Variants in ANO3 observed in about 807,000 individuals in gnomAD.
ANO3 encodes the protein anoctamin-3.
ANO3 carries 99 observed loss-of-function variants against 144.8 expected under a neutral mutation model. That is an observed-to-expected ratio of 0.68 (90% CI 0.58 to 0.81). ANO3 has a LOEUF of 0.81. Ranked by LOEUF, ANO3 falls within the 30% of genes least tolerant of loss-of-function variation. ANO3 has a pLI of 0.00. For synonymous variants in ANO3, 414 were observed against 392.6 expected (o/e 1.05, Z -0.64); for missense variants, 905 against 1,202.2 (o/e 0.75, Z 3.66).
At chr11:26,199,594 A>G (rs901892708) in intron 1 of ANO3, among the ~76,000 whole-genome samples, 2 of 152,016 alleles carry the variant, frequency 1.3e-5, no homozygotes, top group African/African-American at 2.4e-5. Context: ...ATTCTTTTAC[A>G]CTCTGAGAAA....
chr11:26,313,891 A>ATATAATATAC (rs1184325147), intron 1 of ANO3, among the ~76,000 whole-genome samples: 5 of 149,222 alleles, frequency 3.4e-5, no homozygotes, highest in African/African-American at 1.2e-4. Context: ...ATATAATATA[A>ATATAATATAC]TATAATAAAA....
chr11:26,195,925 G>C (rs1358166421), intron 1 of ANO3, among the ~76,000 whole-genome samples: 1 of 152,166 alleles, frequency 6.6e-6, no homozygotes, highest in East Asian at 1.9e-4. Context: ...AAAATACCTT[G>C]TGCAGGGAAG....
intron 20 of ANO3, among the ~76,000 whole-genome samples, chr11:26,638,789 T>A (rs1250617184): frequency 6.6e-6 from 1 of 152,216 alleles, no homozygotes; most frequent in Non-Finnish European, 1.5e-5. Context: ...TTATAAACAT[T>A]ATGCCATAGA....
chr11:26,395,947 T>C (rs56803049), intron 1 of ANO3, among the ~76,000 whole-genome samples: 82,329 of 151,806 alleles, frequency 0.54, 23,364 homozygotes, highest in East Asian at 0.69. Flanking sequence ...ACAAATGGGA[T>C]CTAATTAAAC....
chr11:26,232,983 C>T (rs536252232), intron 1 of ANO3, among the ~76,000 whole-genome samples: 4 of 152,162 alleles, frequency 2.6e-5, no homozygotes, highest in African/African-American at 9.6e-5. Context: ...TTTGGGAGGC[C>T]GAGGCAGGCG....
intron 1 of ANO3, among the ~76,000 whole-genome samples, chr11:26,228,692 G>T (rs908175432): frequency 1.3e-5 from 2 of 152,140 alleles, no homozygotes; most frequent in African/African-American, 4.8e-5. Context: ...TTCTATCACA[G>T]GGCAAAATTA....
At chr11:26,370,564 C>G (rs1317536944) in intron 1 of ANO3, among the ~76,000 whole-genome samples, 1 of 152,038 alleles carries the variant, frequency 6.6e-6, no homozygotes, top group Non-Finnish European at 1.5e-5. Flanking sequence ...CAGAAGAAAA[C>G]AGGAAAATGT....
chr11:26,648,859 A>G (rs576104926), intron 24 of ANO3, among the ~76,000 whole-genome samples: 5 of 152,322 alleles, frequency 3.3e-5, no homozygotes, highest in African/African-American at 9.6e-5. Flanking sequence ...GGCATGTGCC[A>G]CAACAGGATG....
At chr11:26,245,627 A>G (rs779137963) in intron 1 of ANO3, among the ~76,000 whole-genome samples, 1 of 152,182 alleles carries the variant, frequency 6.6e-6, no homozygotes, top group African/African-American at 2.4e-5. Context: ...CCAAAGGAAA[A>G]CGTTTCCTTT....
chr11:26,639,097 AC>A (rs1311302560), intron 20 of ANO3, 46 bp from the exon 21 acceptor site: 1 of 1,303,768 alleles, frequency 7.7e-7, no homozygotes, highest in Admixed American at 1.7e-5. Flanking sequence ...GTCTGAGCCT[AC>A]TGGGAAGAAG....
Position 26,642,955 on chromosome 11 carries a change from C to G in ANO3, c.2276-227C>G, listed in dbSNP as rs912814416. ...TAGAGGTGGAAAGCCCATAGACTTT[C>G]AATACATTCAGAACTTAATTTGAAT... On this transcript the variant is annotated intron_variant, in intron 22 of 26. Coordinates refer to ENST00000256737, the MANE Select transcript of ANO3 (RefSeq NM_031418.4). 3.3e-5 allele frequency among the ~76,000 whole-genome samples: 5 copies of G among 152,112 alleles called. No individual in the cohort carries two copies. The East Asian group carries it at 9.7e-4, about 29-fold the overall frequency.
At chr11:26,296,855 C>G (rs10834956) in intron 1 of ANO3, among the ~76,000 whole-genome samples, 37,863 of 151,796 alleles carry the variant, frequency 0.25, 6,732 homozygotes, top group African/African-American at 0.51. Flanking sequence ...GTAAATGTGA[C>G]TTTGGTCTGA....
chr11:26,547,137 G>T (rs189203383), intron 11 of ANO3, among the ~76,000 whole-genome samples: 46 of 151,992 alleles, frequency 3.0e-4, no homozygotes, highest in Non-Finnish European at 6.2e-4. Flanking sequence ...CTAGTAGGAA[G>T]ATGGAGAAAA....
At chr11:26,650,870 G>T (rs1478284615) in intron 24 of ANO3, among the ~76,000 whole-genome samples, 3 of 152,122 alleles carry the variant, frequency 2.0e-5, no homozygotes, top group Admixed American at 1.3e-4. Context: ...AATAATGATT[G>T]CCAGACAAAC....
chr11:26,417,811 C>T (rs1296244014), intron 1 of ANO3, among the ~76,000 whole-genome samples: 1 of 151,766 alleles, frequency 6.6e-6, no homozygotes, highest in Non-Finnish European at 1.5e-5. Context: ...GAGTAGGTGG[C>T]TAATAATAGG....
intron 1 of ANO3, among the ~76,000 whole-genome samples, chr11:26,359,572 C>G (rs530020423): frequency 1.3e-5 from 2 of 150,912 alleles, no homozygotes; most frequent in South Asian, 4.4e-4. Context: ...GCAGCTGTCT[C>G]CTTTCTGGTA....
chr11:26,200,068 G>A (rs985839102), intron 1 of ANO3, among the ~76,000 whole-genome samples: 16 of 152,038 alleles, frequency 1.1e-4, no homozygotes, highest in East Asian at 1.9e-4. Context: ...GAAACTTGAC[G>A]CAGTCATGAG....
chr11:26,463,616 A>G (rs1480715133), intron 4 of ANO3, among the ~76,000 whole-genome samples: 1 of 151,932 alleles, frequency 6.6e-6, no homozygotes, highest in African/African-American at 2.4e-5. Context: ...TGAGAAAACC[A>G]TGTAAGTGTC....
chr11:26,644,815 T>TCACACACACA (rs71449132), intron 23 of ANO3, among the ~76,000 whole-genome samples: 5,697 of 145,200 alleles, frequency 0.039, 142 homozygotes, highest in East Asian at 0.089. Flanking sequence ...GGAATACTAA[T>TCACACACACA]CACACACACA....
Sources: gnomAD v4.1 joint callset for allele counts (sites outside exome capture counted in the v4.1 genomes callset) on GRCh38, gnomAD v4.1.1 for gene constraint, MANE v1.5 for transcripts, NCBI Gene and HGNC (gene_info 2026-07-23, HGNC 2026-07-21) for gene names.